The following GPHN variants were observed in gnomAD, a reference collection of about 807,000 sequenced individuals.
The protein encoded by GPHN is gephyrin.
GPHN carries 17 observed loss-of-function variants against 95.5 expected under a neutral mutation model. That is an observed-to-expected ratio of 0.18 (90% confidence interval 0.12 to 0.27). The LOEUF (loss-of-function observed/expected upper bound fraction) is 0.27. GPHN is among the 10% of genes least tolerant of loss of function. The pLI is 1.00. For missense variants in GPHN, 660 were observed against 978.1 expected, an observed-to-expected ratio of 0.67 and a Z score of 4.34; for synonymous variants, 320 against 322.5, an observed-to-expected ratio of 0.99 and a Z score of 0.08.
rs1003977270 is a variant in GPHN at position 66,768,768 on chromosome 14, C to T, written c.144-7696C>T. Among the ~76,000 whole-genome samples, 5 of 151,812 alleles carry T rather than the reference C, an allele frequency of 3.3e-5. No individual in the cohort carries two copies. The East Asian group carries it at 7.7e-4, about 23-fold the overall frequency. On this transcript the variant is annotated intron_variant, in intron 2 of 22. Transcript: ENST00000478722. ...ATAGTCCAGAGTTATACAGTAAAACCATAGAAATAGGTACTCAGTAAAGGT... is the reference window on the plus strand; with the variant it reads ...ATAGTCCAGAGTTATACAGTAAAACTATAGAAATAGGTACTCAGTAAAGGT...
chr14:67,733,421 G>A, the GPHN span, among the ~76,000 whole-genome samples: 7 of 152,226 alleles, frequency 4.6e-5, no homozygotes, highest in East Asian at 9.6e-4. Context: ...GTCACCAATA[G>A]AATTATAAAT....
chr14:67,285,928 G>A, the GPHN span, among the ~76,000 whole-genome samples: 2 of 152,122 alleles, frequency 1.3e-5, no homozygotes, highest in Non-Finnish European at 2.9e-5. Flanking sequence ...AAAGCCAAAT[G>A]TAAGTGAATT....
the GPHN span, chr14:67,724,633 A>C: frequency 7.0e-7 from 1 of 1,418,446 alleles, no homozygotes; most frequent in Non-Finnish European, 1.0e-6. Flanking sequence ...CATGCCTCCC[A>C]CCCTTCTTCC....
intron 1 of GPHN, among the ~76,000 whole-genome samples, chr14:66,554,740 C>G (rs531343099): frequency 5.3e-5 from 8 of 152,280 alleles, no homozygotes; most frequent in African/African-American, 1.9e-4. Flanking sequence ...GAATCATAGA[C>G]TTTTAGTACT....
chr14:66,826,610 T>C (rs578255032), intron 4 of GPHN, among the ~76,000 whole-genome samples: 1 of 152,138 alleles, frequency 6.6e-6, no homozygotes, highest in African/African-American at 2.4e-5. Context: ...TCAGATTCAC[T>C]AATTTGCTAG....
the GPHN span, among the ~76,000 whole-genome samples, chr14:67,702,752 GTA>G: frequency 1.3e-5 from 2 of 152,144 alleles, no homozygotes; most frequent in African/African-American, 4.8e-5. Flanking sequence ...CATATTACAT[GTA>G]TATATGTAAA....
chr14:67,679,825 T>TA, the GPHN span, among the ~76,000 whole-genome samples: 6 of 152,028 alleles, frequency 3.9e-5, no homozygotes, highest in South Asian at 2.1e-4. Flanking sequence ...GTCAAAGTTT[T>TA]AAAAAAAATG....
At chr14:66,893,371 G>T (rs1413346204) in intron 5 of GPHN, among the ~76,000 whole-genome samples, 1 of 151,962 alleles carries the variant, frequency 6.6e-6, no homozygotes, top group Non-Finnish European at 1.5e-5. Flanking sequence ...GCAGGGTGAG[G>T]CATTGCTATT....
At chr14:67,223,414 G>A in the GPHN span, among the ~76,000 whole-genome samples, 1 of 152,222 alleles carries the variant, frequency 6.6e-6, no homozygotes, top group Non-Finnish European at 1.5e-5. Flanking sequence ...TGCTATCATA[G>A]CTTACAAGAA....
chr14:67,287,296 C>T, the GPHN span, among the ~76,000 whole-genome samples: 1 of 145,402 alleles, frequency 6.9e-6, no homozygotes, highest in African/African-American at 2.7e-5. Context: ...AGGTCTTTTA[C>T]ATTTCCTTAG....
At chr14:67,557,619 A>G in the GPHN span, among the ~76,000 whole-genome samples, 1 of 152,344 alleles carries the variant, frequency 6.6e-6, no homozygotes, top group East Asian at 1.9e-4. Flanking sequence ...CAGGGGATAG[A>G]GTAGAAAAAG....
chr14:67,711,731 C>A, the GPHN span, among the ~76,000 whole-genome samples: 1 of 152,140 alleles, frequency 6.6e-6, no homozygotes, highest in Non-Finnish European at 1.5e-5. Flanking sequence ...GCTAAATAGC[C>A]TTAAATTTTC....
chr14:67,157,960 T>A (rs1268713982), intron 18 of GPHN, among the ~76,000 whole-genome samples: 1 of 151,608 alleles, frequency 6.6e-6, no homozygotes, highest in Admixed American at 6.6e-5. Context: ...CTGGGTGAGA[T>A]GGATGAGAAC....
chr14:66,715,015 G>A (rs6573713), intron 2 of GPHN, among the ~76,000 whole-genome samples: 1 of 151,806 alleles, frequency 6.6e-6, no homozygotes, highest in Non-Finnish European at 1.5e-5. Context: ...GTTGGTTCCC[G>A]GTTTCTCTAT....
At position 66,922,660 on chromosome 14, in the gene GPHN, A is replaced by C. The variant is rs768570275; in HGVS notation, c.457-6A>C. ...CTTAATTTTTTTTTCTTTCTCTTGCATACAGGAATGCTTTCAATTCATACT... is the reference window on the plus strand; with the variant it reads ...CTTAATTTTTTTTTCTTTCTCTTGCCTACAGGAATGCTTTCAATTCATACT... On this transcript the variant is annotated splice_polypyrimidine_tract_variant and splice_region_variant and intron_variant, in intron 6 of 22. Coordinates refer to ENST00000478722, the MANE Select transcript of GPHN (RefSeq NM_020806.5). 3 of 1,606,464 alleles carry C rather than the reference A, an allele frequency of 1.9e-6. No individual in the cohort carries two copies. Among genetic ancestry groups the C allele is most frequent in the Non-Finnish European group, 1.7e-6 (2 of 1,174,774 alleles).
chr14:67,266,953 T>C, the GPHN span, among the ~76,000 whole-genome samples: 1 of 151,678 alleles, frequency 6.6e-6, no homozygotes, highest in Non-Finnish European at 1.5e-5. Context: ...CTACTAAAAA[T>C]ACAAAATTAG....
intron 1 of GPHN, among the ~76,000 whole-genome samples, chr14:66,647,440 T>G (rs1437051288): frequency 6.6e-6 from 1 of 151,806 alleles, no homozygotes; most frequent in Non-Finnish European, 1.5e-5. Flanking sequence ...TCGTGAGATA[T>G]TTATTATTGA....
At chr14:67,348,953 T>C in the GPHN span, 3 of 1,297,696 alleles carry the variant, frequency 2.3e-6, no homozygotes, top group East Asian at 4.7e-5. Context: ...AACTAGGACA[T>C]TAAGATCTTG....
At chr14:67,686,034 G>C in the GPHN span, 1 of 152,120 alleles carries the variant, frequency 6.6e-6, no homozygotes, top group South Asian at 2.1e-4. Flanking sequence ...TTAAATGTTG[G>C]AGTTCTCGTG....
Sources: gnomAD v4.1 joint callset for allele counts (sites outside exome capture counted in the v4.1 genomes callset) on GRCh38, gnomAD v4.1.1 for gene constraint, MANE v1.5 for transcripts, NCBI Gene and HGNC (gene_info 2026-07-23, HGNC 2026-07-21) for gene names.